Variants in AIDA observed in about 807,000 individuals in gnomAD.
The protein encoded by AIDA is axin interactor, dorsalization associated, also known as axin interactor, dorsalization-associated protein.
Under a neutral mutation model 42.7 loss-of-function variants are expected in AIDA, and 18 were observed. The observed-to-expected ratio is 0.42, with a 90% confidence interval of 0.29 to 0.63. The LOEUF (loss-of-function observed/expected upper bound fraction) is 0.63. AIDA is among the 20% of genes least tolerant of loss of function. The probability of loss-of-function intolerance (pLI) is 0.19; values close to 1 mark genes in which losing one functional copy is unlikely to be tolerated. For synonymous variants in AIDA, 104 were observed against 122.9 expected (o/e 0.85, Z 1.02); for missense variants, 250 against 354.1 (o/e 0.71, Z 2.36).
At chr1:222,687,238 T>C (rs1202743580) in intron 5 of AIDA, among the ~76,000 whole-genome samples, 1 of 152,084 alleles carries the variant, frequency 6.6e-6, no homozygotes, top group African/African-American at 2.4e-5. Context: ...GAGACCAGCC[T>C]GGGCAATACG....
At chr1:222,705,680 C>A (rs748339209) in intron 1 of AIDA, among the ~76,000 whole-genome samples, 15 of 152,082 alleles carry the variant, frequency 9.9e-5, no homozygotes, top group Non-Finnish European at 2.1e-4. Context: ...GTGAGGAGTT[C>A]GAGACCAGCC....
At chr1:222,710,461 T>C (rs189615450) in intron 1 of AIDA, among the ~76,000 whole-genome samples, 8 of 152,372 alleles carry the variant, frequency 5.3e-5, no homozygotes, top group Admixed American at 3.3e-4. Context: ...TATTCTTCAC[T>C]TTCCATTGTG....
At chr1:222,690,197 A>G (rs1218910056) in intron 4 of AIDA, among the ~76,000 whole-genome samples, 2 of 152,204 alleles carry the variant, frequency 1.3e-5, no homozygotes, top group African/African-American at 4.8e-5. Flanking sequence ...TAAGTGACAA[A>G]TGATTGTATA....
chr1:222,697,939 C>T (rs1210394998), intron 2 of AIDA, among the ~76,000 whole-genome samples: 1 of 152,040 alleles, frequency 6.6e-6, no homozygotes, highest in Non-Finnish European at 1.5e-5. Flanking sequence ...ATTCTCATTA[C>T]CACCAAATTT....
At chr1:222,712,136 G>A in intron 1 of AIDA, 72 bp downstream of exon 1, 4 of 1,546,700 alleles carry the variant, frequency 2.6e-6, no homozygotes, top group Non-Finnish European at 3.5e-6. Flanking sequence ...GGTGATGAGA[G>A]ACACCGACAG....
At chr1:222,689,479 G>GTA (rs1293070735) in intron 4 of AIDA, among the ~76,000 whole-genome samples, 485 of 45,098 alleles carry the variant, frequency 0.011, no homozygotes, top group Non-Finnish European at 0.018. Flanking sequence ...ATGTGTGTGT[G>GTA]TGTATATATA....
intron 1 of AIDA, chr1:222,711,748 A>C (rs936453843): frequency 6.4e-6 from 1 of 156,182 alleles, no homozygotes; most frequent in African/African-American, 2.4e-5. Context: ...GCATGGAAGA[A>C]GGAAGACACA....
At chr1:222,678,931 GCT>G (rs1403819832) in intron 6 of AIDA, among the ~76,000 whole-genome samples, 1 of 151,776 alleles carries the variant, frequency 6.6e-6, no homozygotes, top group African/African-American at 2.4e-5. Context: ...ACTTTTTTTG[GCT>G]CTGTCTTACA....
chr1:222,706,637 G>A (rs1314376153), intron 1 of AIDA, among the ~76,000 whole-genome samples: 1 of 152,112 alleles, frequency 6.6e-6, no homozygotes, highest in Non-Finnish European at 1.5e-5. Flanking sequence ...GGGAGGCCGA[G>A]GCAGGTGGAT....
chr1:222,700,206 T>G (rs1232199762), intron 2 of AIDA, among the ~76,000 whole-genome samples: 1 of 152,192 alleles, frequency 6.6e-6, no homozygotes, highest in African/African-American at 2.4e-5. Context: ...AAATGCCTCC[T>G]AGGCAGGTAT....
chr1:222,679,266 A>T (rs1340771645), intron 6 of AIDA, among the ~76,000 whole-genome samples: 1 of 152,104 alleles, frequency 6.6e-6, no homozygotes, highest in Non-Finnish European at 1.5e-5. Context: ...ATTAAAAGCA[A>T]GATTTCTAAA....
At chr1:222,701,906 T>C (rs1655717892) in intron 2 of AIDA, among the ~76,000 whole-genome samples, 1 of 151,856 alleles carries the variant, frequency 6.6e-6, no homozygotes, top group Non-Finnish European at 1.5e-5. Context: ...GTATTTTTAG[T>C]AGAGACGGGG....
intron 1 of AIDA, among the ~76,000 whole-genome samples, chr1:222,709,638 G>T (rs901235972): frequency 6.6e-6 from 1 of 152,020 alleles, no homozygotes; most frequent in African/African-American, 2.4e-5. Context: ...CCTGAAGGAG[G>T]TGACAAAGTG....
At chr1:222,672,782 G>A (rs1349725315) in intron 8 of AIDA, among the ~76,000 whole-genome samples, 1 of 152,224 alleles carries the variant, frequency 6.6e-6, no homozygotes, top group East Asian at 1.9e-4. Flanking sequence ...GGATTCTGAA[G>A]TCACCTTTTT....
Position 222,699,029 on chromosome 1 carries a change from G to A in AIDA, c.180+4119C>T, listed in dbSNP as rs186000782. On this transcript the variant is annotated intron_variant, in intron 2 of 9. Coordinates refer to ENST00000340020, the MANE Select transcript of AIDA (RefSeq NM_022831.4). ...TTCAGTAGAGACGGGGTTTCACCGTGTTAGCCAGGACAGTCTCGATCTCCT... is the reference window on the plus strand; with the variant it reads ...TTCAGTAGAGACGGGGTTTCACCGTATTAGCCAGGACAGTCTCGATCTCCT... Among the ~76,000 whole-genome samples, 6 of 152,212 alleles carry A rather than the reference G, an allele frequency of 3.9e-5. No homozygotes were observed. In the East Asian group the frequency reaches 7.8e-4, roughly 20 times the overall value.
At chr1:222,705,239 A>G (rs1178060758) in intron 1 of AIDA, among the ~76,000 whole-genome samples, 1 of 152,190 alleles carries the variant, frequency 6.6e-6, no homozygotes, top group East Asian at 1.9e-4. Context: ...TCATTCATAG[A>G]CTCACTTTTT....
chr1:222,671,023 A>C (rs781515799), intron 8 of AIDA, among the ~76,000 whole-genome samples: 1 of 152,076 alleles, frequency 6.6e-6, no homozygotes, highest in Non-Finnish European at 1.5e-5. Flanking sequence ...GTTTGAGACC[A>C]GCCTGGGCAA....
chr1:222,681,473 G>A (rs1664651019), intron 6 of AIDA, among the ~76,000 whole-genome samples: 1 of 152,136 alleles, frequency 6.6e-6, no homozygotes, highest in Non-Finnish European at 1.5e-5. Flanking sequence ...AGATCAGCCT[G>A]GCCAACATGG....
At chr1:222,691,785 TTAA>T (rs1655382153) in intron 4 of AIDA, among the ~76,000 whole-genome samples, 1 of 147,804 alleles carries the variant, frequency 6.8e-6, no homozygotes, top group African/African-American at 2.7e-5. Flanking sequence ...TAGTAATATT[TTAA>T]TAATAAAATG....
Sources: gnomAD v4.1 joint callset for allele counts (sites outside exome capture counted in the v4.1 genomes callset) on GRCh38, gnomAD v4.1.1 for gene constraint, MANE v1.5 for transcripts, NCBI Gene and HGNC (gene_info 2026-07-23, HGNC 2026-07-21) for gene names.